FAP: variants seen among roughly 807,000 people sequenced by gnomAD.
FAP encodes prolyl endopeptidase FAP.
A neutral mutation model predicts 126.5 loss-of-function variants in FAP; 110 were observed. The observed-to-expected ratio is 0.87, with a 90% CI of 0.74 to 1.02. FAP has a LOEUF of 1.02. Ranked by LOEUF, FAP falls within the 50% of genes least tolerant of loss-of-function variation. FAP has a pLI of 0.00. For missense variants in FAP, 919 were observed against 909.2 expected (o/e 1.01, Z -0.14); for synonymous variants, 334 against 297.3 (o/e 1.12, Z -1.27).
intron 20 of FAP, among the ~76,000 whole-genome samples, chr2:162,185,888 A>G (rs1352963649): frequency 6.6e-6 from 1 of 152,092 alleles, no homozygotes; most frequent in Non-Finnish European, 1.5e-5. Flanking sequence ...TATTATTCTG[A>G]GTCTATCCTA....
chr2:162,176,795 G>A (rs1687502412), intron 21 of FAP: 1 of 152,084 alleles, frequency 6.6e-6, no homozygotes. Flanking sequence ...TAAAATAAAA[G>A]CCTTTGTATA....
At position 162,207,753 on chromosome 2, in the gene FAP, C is replaced by G. The variant is rs560497843; in HGVS notation, c.1047+2199G>C. ...TGAGACAGAGTCTCGCTCTGTCGCC[C>G]AAGCCAGAGTGCAGTGGCGCGATCT... On this transcript the variant is annotated intron_variant, in intron 12 of 25. Transcript: ENST00000188790. Among the ~76,000 whole-genome samples the G allele has an allele frequency of 5.9e-5, 9 of 151,638 alleles. No individual in the cohort carries two copies. In the East Asian group the frequency reaches 1.8e-3, roughly 30 times the overall value.
At chr2:162,203,419 G>A (rs190553481) in intron 12 of FAP, among the ~76,000 whole-genome samples, 169 of 152,242 alleles carry the variant, frequency 1.1e-3, no homozygotes, top group African/African-American at 3.7e-3. Context: ...TTCCTAAGTC[G>A]AAGGTTATGT....
intron 20 of FAP, among the ~76,000 whole-genome samples, chr2:162,183,909 C>T (rs1687776929): frequency 6.6e-6 from 1 of 152,128 alleles, no homozygotes; most frequent in Non-Finnish European, 1.5e-5. Flanking sequence ...TGATAATCAT[C>T]ACTTCATTTT....
intron 20 of FAP, among the ~76,000 whole-genome samples, chr2:162,186,177 C>G (rs1687862793): frequency 6.6e-6 from 1 of 152,108 alleles, no homozygotes; most frequent in South Asian, 2.1e-4. Flanking sequence ...CAATTTTATA[C>G]AGAGTGTACT....
At chr2:162,221,621 T>G in intron 6 of FAP, 2 of 456,006 alleles carry the variant, frequency 4.4e-6, no homozygotes, top group Non-Finnish European at 8.8e-6. Flanking sequence ...GTCTCAGTTT[T>G]CTACATACAG....
intron 21 of FAP, among the ~76,000 whole-genome samples, chr2:162,179,480 C>G: frequency 6.6e-6 from 1 of 152,014 alleles, no homozygotes; most frequent in East Asian, 1.9e-4. Context: ...TAGCTTTGGG[C>G]TCAGAAACAA....
In FAP at chr2:162,173,747, C is replaced by T. The variant is rs1687392453; in HGVS notation, c.2010G>A (p.Lys670=). 1.2e-6 allele frequency: 2 copies of T among 1,605,018 alleles called. No homozygotes were observed. The highest frequency in any genetic ancestry group is 3.3e-5 in the Admixed American group (2 of 59,940). Residue 670 remains lysine, a synonymous_variant, in exon 23 of 26, where the codon AAG becomes AAA. Coordinates refer to ENST00000188790, the MANE Select transcript of FAP (RefSeq NM_004460.5). ...CCTTATAGTGCTCAAGATTATCATC[C>T]TTTGTTGGGAGACCCATGAATCTCT... The part of the protein sequence containing the change: ...YTERFMGLPT[K]DDNLEHYKNS...
At chr2:162,201,241 AT>A (rs57576254) in intron 14 of FAP, among the ~76,000 whole-genome samples, 5,500 of 152,182 alleles carry the variant, frequency 0.036, 339 homozygotes, top group African/African-American at 0.13. Context: ...AACTGTCATT[AT>A]TTTTCCCCCA....
chr2:162,203,213 T>C, intron 12 of FAP, 68 bp from the exon 13 acceptor site: 1 of 1,012,460 alleles, frequency 9.9e-7, no homozygotes, highest in Admixed American at 2.2e-5. Flanking sequence ...TTTGTTTTAA[T>C]ATATAAAAGC....
chr2:162,200,965 A>AT (rs1688474662), intron 14 of FAP, among the ~76,000 whole-genome samples: 1 of 152,128 alleles, frequency 6.6e-6, no homozygotes, highest in Admixed American at 6.5e-5. Context: ...ACGTTATTTA[A>AT]TTTTATCTGG....
chr2:162,197,774 T>C (rs530592546), intron 16 of FAP: 12 of 384,210 alleles, frequency 3.1e-5, no homozygotes, highest in South Asian at 2.2e-4. Flanking sequence ...AAAGATTCCA[T>C]TTGTTCTTTA....
In FAP at chr2:162,212,657, A is replaced by C. The variant is rs557106819; in HGVS notation, c.1002+1281T>G. On this transcript the variant is annotated intron_variant, in intron 11 of 25. Coordinates refer to ENST00000188790, the MANE Select transcript of FAP (RefSeq NM_004460.5). ...CATAATGTCCTAATTTCTAGATGAA[A>C]TTTAGTGATTTACTTTGTTTGTTCT... Among the ~76,000 whole-genome samples the C allele has an allele frequency of 5.3e-5, 8 of 152,288 alleles. No individual in the cohort carries two copies. In the South Asian group the frequency reaches 1.7e-3, roughly 32 times the overall value.
rs1168026742 is a variant in FAP, at chr2:162,219,122, AT to A, written c.547del (p.Ile183Ter). On this transcript the variant is annotated frameshift_variant, in exon 8 of 26. Transcript: ENST00000188790. LOFTEE classifies it high-confidence loss of function. ...KQRPGDPPFQ[I>X]TFNGRENKIF... ...TTTATTTTCTCTTCCATTAAATGTT[AT>A]TTGAAAAGGTGGATCTCCTGGTCTT... is the stretch of plus-strand genomic sequence containing the variant. 6.2e-7 allele frequency: 1 copy of A among 1,606,908 alleles called. No homozygotes were observed.
At chr2:162,190,297 C>T (rs917836927) in intron 17 of FAP, among the ~76,000 whole-genome samples, 9 of 151,960 alleles carry the variant, frequency 5.9e-5, no homozygotes, top group African/African-American at 2.2e-4. Flanking sequence ...AGGATATTCT[C>T]CTGTTTTTGG....
intron 4 of FAP, among the ~76,000 whole-genome samples, chr2:162,224,852 G>T (rs1047416635): frequency 2.0e-5 from 3 of 152,090 alleles, no homozygotes; most frequent in Non-Finnish European, 1.5e-5. Flanking sequence ...TATTAAGAAA[G>T]AAATGATTGA....
intron 17 of FAP, 31 bp from the exon 18 acceptor site, chr2:162,189,785 A>T: frequency 7.9e-7 from 1 of 1,272,410 alleles, no homozygotes; most frequent in Non-Finnish European, 1.1e-6. Context: ...ATTTTTAATC[A>T]ATAGTATTTC....
Position 162,219,179 on chromosome 2 carries a change from T to A in FAP, c.491A>T (p.Tyr164Phe). The A allele has an allele frequency of 2.5e-6, 4 of 1,604,414 alleles. No homozygotes were observed. The highest frequency in any genetic ancestry group is 2.6e-6 in the Non-Finnish European group (3 of 1,175,416). ...CAAATAGATATTGTTTTGATAGACA[T>A]ATGCCTAAAAGTGGTGGTAAGGGGA... ...CWSPVGSKLA[Y>F]VYQNNIYLKQ... Residue 164 changes from tyrosine (Y) to phenylalanine (F), a missense_variant, in exon 8 of 26, where the codon TAT becomes TTT. Transcript: ENST00000188790.
chr2:162,192,611 T>C (rs1576150194), intron 17 of FAP, among the ~76,000 whole-genome samples: 1 of 152,154 alleles, frequency 6.6e-6, no homozygotes, highest in Non-Finnish European at 1.5e-5. Flanking sequence ...CATAAATTAA[T>C]GACTTTCATC....
Sources: allele counts gnomAD v4.1 joint callset (sites outside exome capture counted in the v4.1 genomes callset), GRCh38; gene constraint gnomAD v4.1.1; transcripts MANE v1.5; gene names NCBI Gene and HGNC (gene_info 2026-07-23, HGNC 2026-07-21).